PLCB1: variants seen among roughly 807,000 people sequenced by gnomAD.
PLCB1 encodes 1-phosphatidylinositol 4,5-bisphosphate phosphodiesterase beta-1.
A neutral mutation model predicts 161.8 loss-of-function variants in PLCB1; 46 were observed. The observed-to-expected ratio is 0.28, with a 90% CI of 0.22 to 0.36. The LOEUF (loss-of-function observed/expected upper bound fraction) is 0.36. PLCB1 is among the 10% of genes least tolerant of loss of function. The pLI, the probability that PLCB1 is intolerant of heterozygous loss-of-function variation, is 1.00. For missense variants in PLCB1, 1,016 were observed against 1,472.5 expected, an observed-to-expected ratio of 0.69 and a Z score of 5.07; for synonymous variants, 517 against 503.7, an observed-to-expected ratio of 1.03 and a Z score of -0.35.
chr20:8,610,234 A>G (rs1987867572), intron 3 of PLCB1, among the ~76,000 whole-genome samples: 1 of 152,210 alleles, frequency 6.6e-6, no homozygotes, highest in African/African-American at 2.4e-5. Flanking sequence ...CACCAACCTA[A>G]TACCTGGTAT....
chr20:8,398,652 C>T (rs183384246), intron 3 of PLCB1, among the ~76,000 whole-genome samples: 1 of 152,280 alleles, frequency 6.6e-6, no homozygotes, highest in Non-Finnish European at 1.5e-5. Flanking sequence ...TAATCACTTC[C>T]CAAAGTCCCT....
intron 2 of PLCB1, among the ~76,000 whole-genome samples, chr20:8,331,821 T>G (rs924235899): frequency 2.0e-5 from 3 of 152,340 alleles, no homozygotes; most frequent in South Asian, 2.1e-4. Context: ...TTCTGTGGAT[T>G]TTTTGTGTTT....
chr20:8,381,543 G>A (rs1987253838), intron 3 of PLCB1, among the ~76,000 whole-genome samples: 1 of 152,150 alleles, frequency 6.6e-6, no homozygotes, highest in Admixed American at 6.5e-5. Context: ...TGTACCTCTG[G>A]TAGAATTCAG....
At chr20:8,215,960 A>G (rs1412456165) in intron 2 of PLCB1, among the ~76,000 whole-genome samples, 1 of 152,052 alleles carries the variant, frequency 6.6e-6, no homozygotes, top group Non-Finnish European at 1.5e-5. Flanking sequence ...ATTTGATGAT[A>G]CCCACATCAT....
chr20:8,622,122 C>T (rs565531312), intron 3 of PLCB1, among the ~76,000 whole-genome samples: 59 of 151,982 alleles, frequency 3.9e-4, no homozygotes, highest in African/African-American at 1.3e-3. Flanking sequence ...TGGTTGGTGG[C>T]GCGTGCCTGT....
chr20:8,604,475 C>A (rs2067597671), intron 3 of PLCB1, among the ~76,000 whole-genome samples: 1 of 151,916 alleles, frequency 6.6e-6, no homozygotes, highest in South Asian at 2.1e-4. Context: ...TCTAATTATA[C>A]AATTACTAAG....
intron 3 of PLCB1, among the ~76,000 whole-genome samples, chr20:8,571,999 T>A (rs549252188): frequency 1.3e-3 from 205 of 152,286 alleles, no homozygotes; most frequent in African/African-American, 4.0e-3. Context: ...GGTATTTTTT[T>A]AAAAATTACT....
chr20:8,421,425 G>GAT (rs1979533648), intron 3 of PLCB1, among the ~76,000 whole-genome samples: 1 of 152,120 alleles, frequency 6.6e-6, no homozygotes, highest in African/African-American at 2.4e-5. Flanking sequence ...AGAAGTTTAG[G>GAT]ATAGGAAAGA....
intron 4 of PLCB1, among the ~76,000 whole-genome samples, chr20:8,633,877 A>G (rs1988679972): frequency 1.3e-5 from 2 of 152,212 alleles, no homozygotes; most frequent in Admixed American, 6.5e-5. Context: ...GAAATCATAC[A>G]ATAAAGTCTT....
chr20:8,681,685 C>G (rs528339327), intron 9 of PLCB1, among the ~76,000 whole-genome samples: 1 of 152,286 alleles, frequency 6.6e-6, no homozygotes, highest in African/African-American at 2.4e-5. Flanking sequence ...CCTGAAGATA[C>G]TTGCATTTAT....
chr20:8,321,714 C>T lies in PLCB1; in HGVS notation c.178-49668C>T, dbSNP rs1036473416. Among the ~76,000 whole-genome samples the T allele has an allele frequency of 3.9e-5, 6 of 152,292 alleles. No individual in the cohort carries two copies. The South Asian group carries it at 1.2e-3, about 32-fold the overall frequency. ...AAGGTCTAAAACTTTGTTACCAAGT[C>T]ACCAAAATATTCCCAAATAAGTAAA... On this transcript the variant is annotated intron_variant, in intron 2 of 31. Transcript: ENST00000338037.
chr20:8,795,800 G>A (rs926907699), intron 31 of PLCB1, among the ~76,000 whole-genome samples: 5 of 151,868 alleles, frequency 3.3e-5, no homozygotes, highest in East Asian at 1.9e-4. Context: ...ACTGGAACCC[G>A]GGAGGCGGAG....
intron 3 of PLCB1, among the ~76,000 whole-genome samples, chr20:8,448,427 C>T (rs1298586022): frequency 6.6e-6 from 1 of 152,102 alleles, no homozygotes; most frequent in Non-Finnish European, 1.5e-5. Flanking sequence ...GGCAAAATTG[C>T]TGATATACTT....
At chr20:8,235,149 G>A (rs1310447710) in intron 2 of PLCB1, among the ~76,000 whole-genome samples, 2 of 152,164 alleles carry the variant, frequency 1.3e-5, no homozygotes, top group Admixed American at 1.3e-4. Context: ...CAAAGTATGT[G>A]TCTGAGATAT....
chr20:8,833,279 T>C (rs1227615920), intron 31 of PLCB1, among the ~76,000 whole-genome samples: 1 of 152,200 alleles, frequency 6.6e-6, no homozygotes, highest in Non-Finnish European at 1.5e-5. Context: ...AGCAAAGGCA[T>C]GTCTTACATG....
At chr20:8,522,117 G>T (rs773131571) in intron 3 of PLCB1, among the ~76,000 whole-genome samples, 5 of 152,056 alleles carry the variant, frequency 3.3e-5, no homozygotes, top group Non-Finnish European at 5.9e-5. Context: ...CCCTAAAGCT[G>T]GTATGCAAGG....
chr20:8,408,938 G>C (rs546549036), intron 3 of PLCB1, among the ~76,000 whole-genome samples: 36 of 152,070 alleles, frequency 2.4e-4, no homozygotes, highest in Non-Finnish European at 4.1e-4. Flanking sequence ...TTGAATAAAG[G>C]GCTCTACAAT....
At chr20:8,479,901 G>A (rs925181006) in intron 3 of PLCB1, among the ~76,000 whole-genome samples, 3 of 152,294 alleles carry the variant, frequency 2.0e-5, no homozygotes, top group African/African-American at 2.4e-5. Flanking sequence ...CACAAAGCAC[G>A]TTCCATGCAG....
intron 2 of PLCB1, among the ~76,000 whole-genome samples, chr20:8,198,432 G>C (rs6055632): frequency 0.018 from 2,766 of 152,126 alleles, 105 homozygotes; most frequent in African/African-American, 0.063. Context: ...TCCATTCAAG[G>C]TTGCAGAAGT....
Sources: allele counts gnomAD v4.1 joint callset (sites outside exome capture counted in the v4.1 genomes callset), GRCh38; gene constraint gnomAD v4.1.1; transcripts MANE v1.5; gene names NCBI Gene and HGNC (gene_info 2026-07-23, HGNC 2026-07-21).